The following GRIK4 variants were observed in gnomAD, a reference collection of about 807,000 sequenced individuals.
GRIK4 encodes glutamate receptor ionotropic, kainate 4.
GRIK4 carries 40 observed loss-of-function variants against 104.9 expected under a neutral mutation model. The observed-to-expected ratio is 0.38, with a 90% CI of 0.30 to 0.50. The LOEUF (loss-of-function observed/expected upper bound fraction) is 0.50, where lower values mean the gene tolerates loss of function less well. Among genes scored for constraint, GRIK4 ranks in the 20% least tolerant of loss-of-function variants. GRIK4 has a pLI of 0.93. For missense variants in GRIK4, 1,047 were observed against 1,308.1 expected, an observed-to-expected ratio of 0.80 and a Z score of 3.08; for synonymous variants, 485 against 524.9, an observed-to-expected ratio of 0.92 and a Z score of 1.04.
intron 3 of GRIK4, among the ~76,000 whole-genome samples, chr11:120,745,211 G>T (rs2135414862): frequency 6.6e-6 from 1 of 152,304 alleles, no homozygotes; most frequent in Admixed American, 6.5e-5. Context: ...GAGTCCACTG[G>T]ACATCTTCTA....
chr11:120,672,609 C>G (rs191702548), intron 3 of GRIK4, among the ~76,000 whole-genome samples: 1 of 152,138 alleles, frequency 6.6e-6, no homozygotes, highest in Admixed American at 6.5e-5. Context: ...TTTCCTTGAG[C>G]AGCAGTTTGT....
At chr11:120,620,108 C>G in intron 1 of GRIK4, 1 of 759,698 alleles carries the variant, frequency 1.3e-6, no homozygotes, top group Non-Finnish European at 2.4e-6. Context: ...GTTTCGTTCT[C>G]AGCAAAATTG....
At chr11:120,741,712 AT>A in intron 3 of GRIK4, among the ~76,000 whole-genome samples, 1 of 152,364 alleles carries the variant, frequency 6.6e-6, no homozygotes. Flanking sequence ...CAGGTTAAAT[AT>A]AAAATGCCTT....
chr11:120,526,546 T>C (rs1947859400), intron 1 of GRIK4, among the ~76,000 whole-genome samples: 1 of 152,190 alleles, frequency 6.6e-6, no homozygotes. Flanking sequence ...AAAAGTTTGT[T>C]TTTAGGCCGG....
intron 6 of GRIK4, among the ~76,000 whole-genome samples, chr11:120,828,072 G>A (rs1047641236): frequency 1.3e-5 from 2 of 152,074 alleles, no homozygotes; most frequent in African/African-American, 2.4e-5. Context: ...ACATGGCGAC[G>A]GTTCCTGCCT....
At chr11:120,754,047 T>C (rs1470591575) in intron 3 of GRIK4, among the ~76,000 whole-genome samples, 2 of 152,158 alleles carry the variant, frequency 1.3e-5, no homozygotes, top group Non-Finnish European at 2.9e-5. Flanking sequence ...TCTCTTTTTT[T>C]TGGAGACGGA....
chr11:120,519,877 T>G (rs555490185), intron 1 of GRIK4, among the ~76,000 whole-genome samples: 3,619 of 106,612 alleles, frequency 0.034, 70 homozygotes, highest in Non-Finnish European at 0.049. Flanking sequence ...TTTTTTTTTT[T>G]TTGTTTTTTT....
intron 3 of GRIK4, among the ~76,000 whole-genome samples, chr11:120,711,856 A>AGG (rs1219252741): frequency 6.6e-6 from 1 of 152,204 alleles, no homozygotes; most frequent in Non-Finnish European, 1.5e-5. Context: ...AGGAGACAGG[A>AGG]GGTGGGTTCT....
chr11:120,626,525 C>G (rs780934996), intron 1 of GRIK4, among the ~76,000 whole-genome samples: 2 of 152,118 alleles, frequency 1.3e-5, no homozygotes, highest in African/African-American at 2.4e-5. Context: ...CAGGGTGGCT[C>G]TAGGACCCAG....
At position 120,742,520 on chromosome 11, in the gene GRIK4, A is replaced by T. The variant is rs973440970; in HGVS notation, c.83-60173A>T. On this transcript the variant is annotated intron_variant, in intron 3 of 20. Transcript: ENST00000527524. ...CAGAATGGCTATTATTATTATTATT[A>T]TTATTATTTTTTTTTGAGATGGAGT... is the stretch of plus-strand genomic sequence containing the variant. Among the ~76,000 whole-genome samples, 294 of 96,146 alleles carry T rather than the reference A, an allele frequency of 3.1e-3. 1 individual carries two copies. The highest frequency in any genetic ancestry group is 9.7e-3 in the African/African-American group (226 of 23,244). 63.1% of individuals were successfully genotyped at this position (96,146 alleles called of 152,430 possible). A position where few individuals can be genotyped will look rare whatever the true frequency, so the allele number is the denominator to read the frequency against.
At chr11:120,535,990 C>T (rs775551474) in intron 1 of GRIK4, among the ~76,000 whole-genome samples, 3 of 152,116 alleles carry the variant, frequency 2.0e-5, no homozygotes, top group Non-Finnish European at 4.4e-5. Flanking sequence ...TGGGCTCAAG[C>T]CAGGGGTGGA....
Position 120,524,459 on chromosome 11 carries a change from C to T in GRIK4, c.-159+12572C>T, listed in dbSNP as rs1225617313. ...AAAACACATTTCCCCTGGTGGATGA[C>T]AGGACTGGTTTCTCAGGTTAGTGTA... is the stretch of plus-strand genomic sequence containing the variant. On this transcript the variant is annotated intron_variant, in intron 1 of 20. Transcript: ENST00000527524. This position sits in a 1 kb window ranked among gnomAD's most constrained non-coding sequence, Gnocchi z 4.5. Among the ~76,000 whole-genome samples, 1 of 152,196 alleles carries T rather than the reference C, an allele frequency of 6.6e-6. No homozygotes were observed. Among genetic ancestry groups the T allele is most frequent in the Non-Finnish European group, 1.5e-5 (1 of 68,042 alleles).
chr11:120,856,053 C>G (rs536789646), intron 8 of GRIK4, among the ~76,000 whole-genome samples: 1 of 152,158 alleles, frequency 6.6e-6, no homozygotes, highest in Non-Finnish European at 1.5e-5. Context: ...TTGGTGACAC[C>G]GGCAGCACGG....
At chr11:120,648,527 G>C (rs1949572811) in intron 1 of GRIK4, among the ~76,000 whole-genome samples, 1 of 152,198 alleles carries the variant, frequency 6.6e-6, no homozygotes. Context: ...GAGGAGTGCA[G>C]GTCTTGGGGT....
At chr11:120,900,526 TAGAC>T (rs1942702991) in intron 12 of GRIK4, among the ~76,000 whole-genome samples, 1 of 151,956 alleles carries the variant, frequency 6.6e-6, no homozygotes, top group Non-Finnish European at 1.5e-5. Flanking sequence ...GAATGTGTGA[TAGAC>T]AGTAAAAAGC....
intron 3 of GRIK4, among the ~76,000 whole-genome samples, chr11:120,695,172 G>A (rs748400449): frequency 6.6e-6 from 1 of 152,240 alleles, no homozygotes; most frequent in African/African-American, 2.4e-5. Context: ...AGGAGCATGG[G>A]GGGTGTTCAT....
chr11:120,961,482 C>T (rs923549881), intron 17 of GRIK4, among the ~76,000 whole-genome samples: 5 of 152,120 alleles, frequency 3.3e-5, no homozygotes, highest in Non-Finnish European at 5.9e-5. Context: ...TGATTTAAAT[C>T]GTATAGGTAG....
At chr11:120,896,405 T>C (rs1046091986) in intron 11 of GRIK4, among the ~76,000 whole-genome samples, 1 of 152,200 alleles carries the variant, frequency 6.6e-6, no homozygotes, top group Non-Finnish European at 1.5e-5. Flanking sequence ...AAAAGGAACA[T>C]GAACACACAC....
chr11:120,851,250 C>A (rs568919937), intron 8 of GRIK4, among the ~76,000 whole-genome samples: 44 of 152,270 alleles, frequency 2.9e-4, no homozygotes, highest in African/African-American at 9.9e-4. Context: ...ACCCACTGCA[C>A]CCCCCAGCCA....
Sources: allele counts gnomAD v4.1 joint callset (sites outside exome capture counted in the v4.1 genomes callset), GRCh38; gene constraint gnomAD v4.1.1; non-coding constraint Gnocchi (gnomAD v3.1); transcripts MANE v1.5; gene names NCBI Gene and HGNC (gene_info 2026-07-23, HGNC 2026-07-21).